Variants in GDI2 observed in about 807,000 individuals in gnomAD.
The protein encoded by GDI2 is GDP dissociation inhibitor 2.
A neutral mutation model predicts 54.2 loss-of-function variants in GDI2; 22 were observed. The ratio of observed to expected loss-of-function variants is 0.41; its 90% CI spans 0.29 to 0.58. GDI2 has a LOEUF of 0.58. Ranked by LOEUF, GDI2 falls within the 20% of genes least tolerant of loss-of-function variation. The probability of loss-of-function intolerance (pLI) is 0.35; values close to 1 mark genes in which losing one functional copy is unlikely to be tolerated. For missense variants in GDI2, 422 were observed against 546.0 expected (o/e 0.77, Z 2.26); for synonymous variants, 177 against 182.1 (o/e 0.97, Z 0.23).
intron 6 of GDI2, among the ~76,000 whole-genome samples, chr10:5,782,675 T>C (rs1479279293): frequency 1.3e-5 from 2 of 152,224 alleles, no homozygotes; most frequent in Non-Finnish European, 2.9e-5. Context: ...GGCTCACACC[T>C]GTAATCCCAG....
At chr10:5,812,819 C>T (rs1003705124) in intron 1 of GDI2, among the ~76,000 whole-genome samples, 1 of 152,246 alleles carries the variant, frequency 6.6e-6, no homozygotes, top group Non-Finnish European at 1.5e-5. Context: ...GCGAGGCCTG[C>T]ACCGTCCCCT....
rs1307464339 is a variant in GDI2, at chr10:5,776,488, T to G, written c.720-2547A>C. 1 of 1,122,272 alleles carries G rather than the reference T, an allele frequency of 8.9e-7. No homozygotes were observed. The highest frequency in any genetic ancestry group is 1.5e-5 in the African/African-American group (1 of 65,288). The allele number at this position is 1,122,272 out of a possible 1,614,324, so 69.5% of individuals were successfully genotyped here. On this transcript the variant is annotated intron_variant, in intron 6 of 10. Transcript: ENST00000380191. This position sits in a 1 kb window ranked among gnomAD's most constrained non-coding sequence, Gnocchi z 5.3. ...AAGAGTGAGCCAGCAGAGCCATGTA[T>G]TAGAAGCAAAGGCCCGAAAGATAAA...
intron 6 of GDI2, among the ~76,000 whole-genome samples, chr10:5,775,777 T>C (rs1195742900): frequency 6.6e-6 from 1 of 152,206 alleles, no homozygotes; most frequent in African/African-American, 2.4e-5. Context: ...AGGAGCTTGC[T>C]TACTCCAGAG....
At chr10:5,801,640 C>T (rs1050192136) in intron 1 of GDI2, among the ~76,000 whole-genome samples, 1 of 152,162 alleles carries the variant, frequency 6.6e-6, no homozygotes, top group African/African-American at 2.4e-5. Flanking sequence ...CACACCACTG[C>T]ACTCCAGCCT....
intron 1 of GDI2, among the ~76,000 whole-genome samples, chr10:5,802,777 T>C (rs189137470): frequency 5.1e-4 from 78 of 152,286 alleles, no homozygotes; most frequent in Non-Finnish European, 4.9e-4. Flanking sequence ...GTAAACCTTG[T>C]TTTCCAAATA....
intron 1 of GDI2, among the ~76,000 whole-genome samples, chr10:5,810,265 AT>A (rs1841458124): frequency 6.6e-5 from 10 of 152,226 alleles, no homozygotes; most frequent in Non-Finnish European, 1.3e-4. Flanking sequence ...CTATTCATAA[AT>A]TCTTACTGTG....
At chr10:5,793,799 C>A (rs996361954) in intron 4 of GDI2, among the ~76,000 whole-genome samples, 1 of 152,086 alleles carries the variant, frequency 6.6e-6, no homozygotes, top group African/African-American at 2.4e-5. Flanking sequence ...TTAAGAGAGA[C>A]GCTGAAATAG....
chr10:5,794,185 AAAAATATATATATATATATAT>A lies in GDI2; in HGVS notation c.388+679_388+699del, dbSNP rs1384684405. On this transcript the variant is annotated intron_variant, in intron 4 of 10. Transcript: ENST00000380191. ...CTGTCTTTAAAAGAAAAAAAAAAAA[AAAAATATATATATATATATAT>A]ATATATATATATATATATATATATA... Among the ~76,000 whole-genome samples, 25 of 46,872 alleles carry A rather than the reference AAAAATATATATATATATATAT, an allele frequency of 5.3e-4. 2 individuals are homozygous for A. The South Asian group carries it at 5.5e-3, about 10-fold the overall frequency. 30.7% of individuals were successfully genotyped at this position (46,872 alleles called of 152,430 possible). A position where few individuals can be genotyped will look rare whatever the true frequency, so the allele number is the denominator to read the frequency against.
chr10:5,795,200 G>A (rs1279833011), intron 3 of GDI2, among the ~76,000 whole-genome samples, 181 bp from the exon 4 acceptor site: 1 of 152,100 alleles, frequency 6.6e-6, no homozygotes, highest in African/African-American at 2.4e-5. Flanking sequence ...ACAATCACGA[G>A]CTCACTGCAA....
chr10:5,792,079 GA>G (rs555728064), intron 4 of GDI2, among the ~76,000 whole-genome samples: 4 of 151,320 alleles, frequency 2.6e-5, no homozygotes, highest in African/African-American at 9.7e-5. Context: ...ATTTACTTTG[GA>G]AAAAAAAGAA....
Position 5,766,217 on chromosome 10 carries a change from A to G in GDI2, c.1191+24T>C. On this transcript the variant is annotated intron_variant, in intron 10 of 10. Transcript: ENST00000380191. The surrounding 1 kb of genome is among the most constrained non-coding windows in gnomAD (Gnocchi z 5.8). ...ATGTCTTCCAGTGAAACCTGCCCAT[A>G]TCCTTTCACACTTCCATACTCACCT... 1 of 1,611,380 alleles carries G rather than the reference A, an allele frequency of 6.2e-7. No homozygotes were observed. The highest frequency in any genetic ancestry group is 8.5e-7 in the Non-Finnish European group (1 of 1,177,436).
chr10:5,794,840 T>C (rs200047680), intron 4 of GDI2, 45 bp downstream of exon 4: 343 of 1,327,920 alleles, frequency 2.6e-4, no homozygotes, highest in Middle Eastern at 3.7e-4. Flanking sequence ...ATCTCATTAT[T>C]CTGAGAAAAT....
intron 1 of GDI2, among the ~76,000 whole-genome samples, chr10:5,807,660 C>T (rs773974540): frequency 3.9e-5 from 6 of 152,198 alleles, no homozygotes; most frequent in Non-Finnish European, 5.9e-5. Flanking sequence ...GGTAACCAAC[C>T]AAAATGGTTT....
Position 5,795,039 on chromosome 10 carries a change from C to A in GDI2, c.254-20G>T. 6.7e-7 allele frequency: 1 copy of A among 1,488,170 alleles called. No individual in the cohort carries two copies. The highest frequency in any genetic ancestry group is 1.1e-5 in the South Asian group (1 of 87,446). 92.2% of individuals were successfully genotyped at this position (1,488,170 alleles called of 1,614,324 possible). A position where few individuals can be genotyped will look rare whatever the true frequency, so the allele number is the denominator to read the frequency against. ...GCTGACCTAGAAAAGTCACATAATT[C>A]AAACTATAACTTAAGTCTATAAATT... On this transcript the variant is annotated intron_variant, in intron 3 of 10. Coordinates refer to ENST00000380191, the MANE Select transcript of GDI2 (RefSeq NM_001494.4).
At position 5,794,877 on chromosome 10, in the gene GDI2, C is replaced by T; in HGVS notation, c.388+8G>A. The T allele has an allele frequency of 1.3e-6, 2 of 1,585,672 alleles. No individual in the cohort carries two copies. Among genetic ancestry groups the T allele is most frequent in the Non-Finnish European group, 1.7e-6 (2 of 1,156,960 alleles). ...AAACTAGTTACTAGAGAAAATAAAA[C>T]TACTTACTAGATGCCAGGGCTTCTG... On this transcript the variant is annotated splice_region_variant and intron_variant, in intron 4 of 10. Coordinates refer to ENST00000380191, the MANE Select transcript of GDI2 (RefSeq NM_001494.4).
At chr10:5,796,711 AT>A in intron 3 of GDI2, 51 bp downstream of exon 3, 1 of 904,056 alleles carries the variant, frequency 1.1e-6, no homozygotes, top group Non-Finnish European at 1.9e-6. Context: ...TAGTTTTGAT[AT>A]TAAAATTGTA....
chr10:5,779,833 C>A (rs1021386209), intron 6 of GDI2, among the ~76,000 whole-genome samples: 1 of 151,916 alleles, frequency 6.6e-6, no homozygotes, highest in Non-Finnish European at 1.5e-5. Flanking sequence ...GCTGGGACTA[C>A]AGGCATGCAT....
At chr10:5,797,319 G>A (rs901660746) in intron 2 of GDI2, among the ~76,000 whole-genome samples, 2 of 152,018 alleles carry the variant, frequency 1.3e-5, no homozygotes, top group Admixed American at 6.6e-5. Flanking sequence ...GGCCGAGGCG[G>A]GTGGATCAGG....
chr10:5,779,465 G>A (rs112922889), intron 6 of GDI2, among the ~76,000 whole-genome samples: 4 of 150,702 alleles, frequency 2.7e-5, no homozygotes, highest in East Asian at 3.9e-4. Context: ...CTGAGATCGC[G>A]CCACTGCACT....
Sources: gnomAD v4.1 joint callset for allele counts (sites outside exome capture counted in the v4.1 genomes callset) on GRCh38, gnomAD v4.1.1 for gene constraint, Gnocchi (gnomAD v3.1) non-coding constraint, MANE v1.5 for transcripts, NCBI Gene and HGNC (gene_info 2026-07-23, HGNC 2026-07-21) for gene names.